ITGB6: variants seen among roughly 807,000 people sequenced by gnomAD.
The protein encoded by ITGB6 is integrin beta-6.
A neutral mutation model predicts 84.5 loss-of-function variants in ITGB6; 80 were observed. The ratio of observed to expected loss-of-function variants is 0.95; its 90% confidence interval spans 0.79 to 1.14. ITGB6 has a LOEUF of 1.14. Ranked by LOEUF, ITGB6 falls within the 50% of genes most tolerant of loss-of-function variation. The probability of loss-of-function intolerance (pLI) is 0.00; values close to 1 mark genes in which losing one functional copy is unlikely to be tolerated. For missense variants in ITGB6, 1,006 were observed against 968.0 expected, an observed-to-expected ratio of 1.04 and a Z score of -0.52; for synonymous variants, 383 against 354.9, an observed-to-expected ratio of 1.08 and a Z score of -0.89.
chr2:160,114,961 A>G (rs1682700671), intron 12 of ITGB6, among the ~76,000 whole-genome samples: 1 of 152,240 alleles, frequency 6.6e-6, no homozygotes, highest in Admixed American at 6.5e-5. Flanking sequence ...GGCACCTGCC[A>G]TTGCCCAGGC....
chr2:160,196,477 T>C, intron 2 of ITGB6, 57 bp from the exon 3 acceptor site: 1 of 1,445,182 alleles, frequency 6.9e-7, no homozygotes. Context: ...TGAATTTCTT[T>C]ATAAGATACC....
intron 11 of ITGB6, among the ~76,000 whole-genome samples, chr2:160,125,641 C>T (rs753062284): frequency 6.6e-6 from 1 of 152,164 alleles, no homozygotes; most frequent in Non-Finnish European, 1.5e-5. Context: ...TTTTGGGCAT[C>T]AGAGTTCATG....
At chr2:160,183,839 C>G (rs1276544512) in intron 4 of ITGB6, among the ~76,000 whole-genome samples, 1 of 152,160 alleles carries the variant, frequency 6.6e-6, no homozygotes, top group Non-Finnish European at 1.5e-5. Flanking sequence ...AAGAAACTCA[C>G]TCAAAACCAC....
intron 1 of ITGB6, among the ~76,000 whole-genome samples, 160 bp from the exon 2 acceptor site, chr2:160,199,418 T>A (rs1018851490): frequency 2.6e-5 from 4 of 152,264 alleles, no homozygotes; most frequent in Non-Finnish European, 5.9e-5. Flanking sequence ...TAAAAGTTTG[T>A]ATTTTACATC....
chr2:160,177,868 G>C (rs7593257), intron 4 of ITGB6, among the ~76,000 whole-genome samples: 4,750 of 147,112 alleles, frequency 0.032, 200 homozygotes, highest in African/African-American at 0.1. Context: ...TAAAAAGAGC[G>C]AACAGTTATC....
intron 4 of ITGB6, among the ~76,000 whole-genome samples, chr2:160,191,698 A>G (rs1283973186): frequency 6.6e-6 from 1 of 152,154 alleles, no homozygotes; most frequent in Non-Finnish European, 1.5e-5. Context: ...AGAAAGAAGA[A>G]GCATAGATAT....
At chr2:160,173,854 A>G in intron 5 of ITGB6, 120 bp downstream of exon 5, 1 of 883,656 alleles carries the variant, frequency 1.1e-6, no homozygotes, top group East Asian at 3.0e-5. Flanking sequence ...TAAGAAAAAT[A>G]TGAAATATAG....
intron 4 of ITGB6, among the ~76,000 whole-genome samples, chr2:160,178,690 T>TCTC (rs1685539397): frequency 1.9e-4 from 5 of 25,938 alleles, no homozygotes; most frequent in African/African-American, 2.6e-4. Flanking sequence ...CTCTCTCTCT[T>TCTC]TTTTTTTTTT....
intron 12 of ITGB6, among the ~76,000 whole-genome samples, chr2:160,118,146 C>T (rs1682867985): frequency 6.6e-6 from 1 of 152,154 alleles, no homozygotes; most frequent in Non-Finnish European, 1.5e-5. Flanking sequence ...AAGGGGGAAT[C>T]CTCCCTAACT....
At chr2:160,135,249 TATAC>T (rs1212746626) in intron 10 of ITGB6, among the ~76,000 whole-genome samples, 1 of 152,116 alleles carries the variant, frequency 6.6e-6, no homozygotes, top group Non-Finnish European at 1.5e-5. Flanking sequence ...CAAGCATTCT[TATAC>T]ACTAATAACA....
chr2:160,107,708 CT>C lies in ITGB6; in HGVS notation c.2238del (p.Ala747GlnfsTer26). On this transcript the variant is annotated frameshift_variant, in exon 14 of 15. Transcript: ENST00000283249. LOFTEE classifies it high-confidence loss of function. ...TGCCACTTGGCTTTTGATCGTTCTG[CT>C]TCAAATTTGGCAACTTCTTTACGAT... The part of the protein sequence containing the change: ...FHDRKEVAKF[E>X]AERSKAKWQT... The C allele has an allele frequency of 6.2e-7, 1 of 1,614,052 alleles. No individual in the cohort carries two copies. Among genetic ancestry groups the C allele is most frequent in the Non-Finnish European group, 8.5e-7 (1 of 1,179,948 alleles).
chr2:160,140,460 G>A (rs1683957195), intron 8 of ITGB6, among the ~76,000 whole-genome samples: 1 of 152,172 alleles, frequency 6.6e-6, no homozygotes, highest in South Asian at 2.1e-4. Context: ...TGACAATTTA[G>A]TGTTTTCTAA....
intron 13 of ITGB6, 35 bp downstream of exon 13, chr2:160,112,045 C>T: frequency 1.9e-6 from 3 of 1,607,110 alleles, no homozygotes; most frequent in East Asian, 4.5e-5. Context: ...TGTGTAGTAT[C>T]ATTTGCCATC....
At chr2:160,148,739 A>G (rs909550432) in intron 7 of ITGB6, among the ~76,000 whole-genome samples, 1 of 152,210 alleles carries the variant, frequency 6.6e-6, no homozygotes, top group African/African-American at 2.4e-5. Context: ...CGGGACATTC[A>G]CACACAAATA....
In ITGB6 at chr2:160,196,232, G is replaced by A. The variant is rs1243930704; in HGVS notation, c.330C>T (p.Ile110=). ...DIVQIAPQSL[I]LKLRPGGAQT... is the part of the protein sequence containing the mutation. ...CTAACATACCTGGTCTCAACTTAAG[G>A]ATCAAGCTTTGAGGCGCAATCTGAA... is the stretch of plus-strand genomic sequence containing the variant. The change falls in exon 3 of 15, where the codon ATC becomes ATT. Residue 110 remains isoleucine (I), a synonymous_variant. Coordinates refer to ENST00000283249, the MANE Select transcript of ITGB6 (RefSeq NM_000888.5). 10 of 1,613,716 alleles carry A rather than the reference G, an allele frequency of 6.2e-6. No homozygotes were observed. Among genetic ancestry groups the A allele is most frequent in the Non-Finnish European group, 7.6e-6 (9 of 1,179,852 alleles).
chr2:160,166,556 A>G (rs982792866), intron 7 of ITGB6, among the ~76,000 whole-genome samples: 1 of 152,216 alleles, frequency 6.6e-6, no homozygotes, highest in Non-Finnish European at 1.5e-5. Flanking sequence ...ATGTTAATGT[A>G]AATTAACAGT....
In ITGB6 at chr2:160,188,869, G is replaced by A. The variant is rs562228254; in HGVS notation, c.593+6500C>T. 4.9e-4 allele frequency among the ~76,000 whole-genome samples: 74 copies of A among 152,156 alleles called. 2 individuals carry two copies. In the South Asian group the frequency reaches 0.015, roughly 30 times the overall value. On this transcript the variant is annotated intron_variant, in intron 4 of 14. Coordinates refer to ENST00000283249, the MANE Select transcript of ITGB6 (RefSeq NM_000888.5). The stretch of plus-strand genomic sequence containing the variant: ...TTCACCCACCTAAGCCTCCCAAAAC[G>A]CTGGGATTGCAGGCGTGAGCCATCA...
chr2:160,175,210 A>ATT lies in ITGB6; in HGVS notation c.594-1073_594-1072dup, dbSNP rs1293312442. On this transcript the variant is annotated intron_variant, in intron 4 of 14. Coordinates refer to ENST00000283249, the MANE Select transcript of ITGB6 (RefSeq NM_000888.5). ...TTACTTTGTCAGCACGAGAAGGTGCATTTTTCAATGTTAGGCTTCAGTTCA... is the reference window on the plus strand; with the variant it reads ...TTACTTTGTCAGCACGAGAAGGTGCATTTTTTTCAATGTTAGGCTTCAGTTCA... Among the ~76,000 whole-genome samples, 70 of 152,268 alleles carry ATT rather than the reference A, an allele frequency of 4.6e-4. 1 individual carries two copies. The highest frequency in any genetic ancestry group is 1.5e-3 in the African/African-American group (64 of 41,552).
At chr2:160,118,684 G>A (rs1371570491) in intron 12 of ITGB6, among the ~76,000 whole-genome samples, 1 of 151,548 alleles carries the variant, frequency 6.6e-6, no homozygotes, top group African/African-American at 2.4e-5. Context: ...GCAGGAGAAG[G>A]AAATAAAGGG....
Sources: gnomAD v4.1 joint callset for allele counts (sites outside exome capture counted in the v4.1 genomes callset) on GRCh38, gnomAD v4.1.1 for gene constraint, MANE v1.5 for transcripts, NCBI Gene and HGNC (gene_info 2026-07-23, HGNC 2026-07-21) for gene names.